The following LPA variants were observed in gnomAD, a reference collection of about 807,000 sequenced individuals.
LPA encodes lipoprotein(a).
In LPA, 199 loss-of-function variants were observed where a neutral mutation model predicts 197.9. That is an observed-to-expected ratio of 1.01 (90% CI 0.90 to 1.13). The LOEUF is 1.13. Ranked by LOEUF, LPA falls within the 50% of genes most tolerant of loss-of-function variation. The pLI, the probability that LPA is intolerant of heterozygous loss-of-function variation, is 0.00. For synonymous variants in LPA, 715 were observed against 639.5 expected (o/e 1.12, Z -1.78); for missense variants, 1,853 against 1,785.8 (o/e 1.04, Z -0.68).
At position 160,654,037 on chromosome 6, in the gene LPA, A is replaced by ATATAT. The variant is rs1458612063; in HGVS notation, c.50-3545_50-3541dup. On this transcript the variant is annotated intron_variant, in intron 1 of 38. Coordinates refer to ENST00000316300, the MANE Select transcript of LPA (RefSeq NM_005577.4). ...TTATATATAATATATAATATATATT[A>ATATAT]TATATAATATATAATATATTATATA... 4.4e-3 allele frequency among the ~76,000 whole-genome samples: 53 copies of ATATAT among 11,930 alleles called. 1 individual carries two copies. The highest frequency in any genetic ancestry group is 0.026 in the African/African-American group (52 of 1,984). The allele number at this position is 11,930 out of a possible 152,430, so 7.8% of individuals were successfully genotyped here.
chr6:160,585,025 T>C (rs1453484149), intron 26 of LPA, 21 bp downstream of exon 26: 1 of 1,613,214 alleles, frequency 6.2e-7, no homozygotes, highest in East Asian at 2.2e-5. Flanking sequence ...GTTCCTTTTA[T>C]GGCTAACATG....
At chr6:160,576,362 A>ACG (rs1778664597) in intron 28 of LPA, among the ~76,000 whole-genome samples, 1 of 35,744 alleles carries the variant, frequency 2.8e-5, no homozygotes, top group African/African-American at 1.8e-4. Flanking sequence ...ATATATATAT[A>ACG]TATACATATA....
At chr6:160,563,024 G>T (rs1053246754) in intron 28 of LPA, among the ~76,000 whole-genome samples, 1 of 151,994 alleles carries the variant, frequency 6.6e-6, no homozygotes, top group African/African-American at 2.4e-5. Context: ...ACCAGCTCTT[G>T]GATTTATTAA....
intron 32 of LPA, among the ~76,000 whole-genome samples, chr6:160,547,334 T>C (rs908462162): frequency 6.6e-6 from 1 of 152,142 alleles, no homozygotes; most frequent in Non-Finnish European, 1.5e-5. Context: ...GTTTGTGCTA[T>C]GATAATCTAA....
chr6:160,558,470 G>A (rs574562279), intron 28 of LPA, among the ~76,000 whole-genome samples: 1 of 152,160 alleles, frequency 6.6e-6, no homozygotes. Context: ...GGTAGATCAA[G>A]TGTGTCTGGC....
intron 29 of LPA, among the ~76,000 whole-genome samples, 160 bp downstream of exon 29, chr6:160,557,230 C>A (rs757068952): frequency 1.3e-5 from 2 of 152,086 alleles, no homozygotes; most frequent in Non-Finnish European, 2.9e-5. Flanking sequence ...ACGCACGTTG[C>A]GCCAAAAATT....
At position 160,548,588 on chromosome 6, in the gene LPA, C is replaced by T; in HGVS notation, c.5045G>A (p.Ser1682Asn). The T allele has an allele frequency of 6.2e-7, 1 of 1,614,100 alleles. No homozygotes were observed. Among genetic ancestry groups the T allele is most frequent in the Non-Finnish European group, 8.5e-7 (1 of 1,180,016 alleles). ...CAGGTTGCAGTACTCCCACCTGATG[C>T]TGGGGTCCATGGTAAAACACCAAGG... ...TGPWCFTMDP[S>N]IRWEYCNLTR... Residue 1682 changes from serine (S) to asparagine (N), a missense_variant, in exon 31 of 39, where the codon AGC (serine) becomes AAC (asparagine). Transcript: ENST00000316300.
chr6:160,533,367 C>G (rs1329940688), intron 37 of LPA, among the ~76,000 whole-genome samples: 1 of 152,218 alleles, frequency 6.6e-6, no homozygotes, highest in African/African-American at 2.4e-5. Flanking sequence ...ACTTAATCCT[C>G]ACAACGGTCC....
chr6:160,662,629 T>C (rs1186977972), intron 1 of LPA, among the ~76,000 whole-genome samples: 4 of 152,148 alleles, frequency 2.6e-5, no homozygotes, highest in Non-Finnish European at 5.9e-5. Context: ...TGGGCTGAAA[T>C]AGAATATTCA....
intron 17 of LPA, among the ~76,000 whole-genome samples, chr6:160,606,239 G>A (rs1779347204): frequency 6.6e-6 from 1 of 152,148 alleles, no homozygotes; most frequent in Admixed American, 6.6e-5. Flanking sequence ...GGTGAGTTGT[G>A]AAGTCGATCA....
At chr6:160,661,015 A>T (rs911966423) in intron 1 of LPA, among the ~76,000 whole-genome samples, 2 of 151,728 alleles carry the variant, frequency 1.3e-5, no homozygotes. Context: ...GGTTGTGGCA[A>T]AGGGTGGCCA....
intron 36 of LPA, among the ~76,000 whole-genome samples, chr6:160,538,883 C>G (rs1020614317): frequency 6.6e-6 from 1 of 152,196 alleles, no homozygotes; most frequent in African/African-American, 2.4e-5. Flanking sequence ...GTGACTTGTT[C>G]AAGCCATCAG....
chr6:160,599,676 A>C lies in LPA; in HGVS notation c.3128-17T>G, dbSNP rs1026805420. The C allele has an allele frequency of 5.8e-5, 94 of 1,613,762 alleles. No homozygotes were observed. Among genetic ancestry groups the C allele is most frequent in the Non-Finnish European group, 7.5e-5 (89 of 1,179,822 alleles). On this transcript the variant is annotated splice_polypyrimidine_tract_variant and intron_variant, in intron 19 of 38. Transcript: ENST00000316300. ...CAGTCAGTGCTGAAATTAAAACAGA[A>C]GACATCAAGCTTATTATTTCCTAGA...
At chr6:160,585,817 A>T (rs1778900091) in intron 25 of LPA, among the ~76,000 whole-genome samples, 1 of 152,094 alleles carries the variant, frequency 6.6e-6, no homozygotes, top group African/African-American at 2.4e-5. Context: ...GCTGACATCC[A>T]CTACTCTTCT....
chr6:160,596,829 T>C (rs992420171), intron 20 of LPA, among the ~76,000 whole-genome samples: 1 of 152,204 alleles, frequency 6.6e-6, no homozygotes, highest in East Asian at 1.9e-4. Context: ...TCTAAAATTA[T>C]GTAAAAGCCT....
intron 37 of LPA, 112 bp from the exon 38 acceptor site, chr6:160,532,761 A>G: frequency 1.3e-6 from 1 of 777,080 alleles, no homozygotes; most frequent in South Asian, 1.4e-5. Context: ...GTGAGGCTGC[A>G]GAACACAAGG....
intron 33 of LPA, among the ~76,000 whole-genome samples, chr6:160,544,951 C>T (rs1033915561): frequency 6.6e-6 from 1 of 152,148 alleles, no homozygotes; most frequent in African/African-American, 2.4e-5. Context: ...GAAAGGCCAT[C>T]TGGGGCTAAA....
intron 26 of LPA, among the ~76,000 whole-genome samples, chr6:160,580,316 A>T (rs1398099468): frequency 6.6e-6 from 1 of 151,274 alleles, no homozygotes; most frequent in Non-Finnish European, 1.5e-5. Flanking sequence ...TCTTTTGATG[A>T]AAACATTGAA....
At chr6:160,609,834 ATG>A (rs1037689449) in intron 16 of LPA, among the ~76,000 whole-genome samples, 4 of 151,052 alleles carry the variant, frequency 2.6e-5, no homozygotes, top group South Asian at 4.2e-4. Context: ...TGTGTTTTGA[ATG>A]TGTGTGTGTG....
Sources: gnomAD v4.1 joint callset for allele counts (sites outside exome capture counted in the v4.1 genomes callset) on GRCh38, gnomAD v4.1.1 for gene constraint, MANE v1.5 for transcripts, NCBI Gene and HGNC (gene_info 2026-07-23, HGNC 2026-07-21) for gene names.